PRELID2: variants seen among roughly 807,000 people sequenced by gnomAD.
The protein encoded by PRELID2 is PRELI domain containing 2, also known as PRELI domain-containing protein 2.
Under a neutral mutation model 28.4 loss-of-function variants are expected in PRELID2, and 25 were observed. That is an observed-to-expected ratio of 0.88 (90% confidence interval 0.64 to 1.23). The LOEUF is 1.23. Ranked by LOEUF, PRELID2 falls within the 50% of genes most tolerant of loss-of-function variation. The pLI is 0.00. For synonymous variants in PRELID2, 76 were observed against 71.6 expected (o/e 1.06, Z -0.31); for missense variants, 201 against 214.4 (o/e 0.94, Z 0.39).
intron 1 of PRELID2, among the ~76,000 whole-genome samples, chr5:145,739,360 C>T (rs1052876438): frequency 2.0e-5 from 3 of 151,996 alleles, no homozygotes; most frequent in African/African-American, 7.2e-5. Context: ...AAAAGAATAG[C>T]TGGGCATGGT....
At chr5:145,630,122 T>TTAGATGCATGGATGGATGGATGGATGGA in intron 1 of PRELID2, among the ~76,000 whole-genome samples, 1 of 147,170 alleles carries the variant, frequency 6.8e-6, no homozygotes, top group East Asian at 2.0e-4. Context: ...AAAAAAATGT[T>TTAGATGCATGGATGGATGGATGGATGGA]TGGATGCATG....
the PRELID2 span, among the ~76,000 whole-genome samples, chr5:145,303,823 A>G: frequency 6.6e-6 from 1 of 152,140 alleles, no homozygotes; most frequent in African/African-American, 2.4e-5. Flanking sequence ...TAAAACCCCA[A>G]GGATATATTC....
chr5:145,783,620 A>G (rs932227371), intron 5 of PRELID2, among the ~76,000 whole-genome samples: 10 of 152,212 alleles, frequency 6.6e-5, no homozygotes, highest in African/African-American at 2.4e-4. Flanking sequence ...TATTATCAAC[A>G]GAGGTAAATT....
chr5:145,544,488 A>G (rs1752769793), intron 1 of PRELID2, among the ~76,000 whole-genome samples: 1 of 152,114 alleles, frequency 6.6e-6, no homozygotes, highest in African/African-American at 2.4e-5. Context: ...TTGACATTCT[A>G]TTATAGATCA....
At chr5:145,285,452 G>A in the PRELID2 span, among the ~76,000 whole-genome samples, 1 of 152,084 alleles carries the variant, frequency 6.6e-6, no homozygotes, top group African/African-American at 2.4e-5. Flanking sequence ...CTTGACTTTT[G>A]CATTATCTGG....
Position 145,817,915 on chromosome 5 carries a change from T to A in PRELID2, c.347A>T (p.Glu116Val). ...TTACCAATTTGGGTTTTCCATACTT[T>A]CCCGGAAGACAGACTCTTCCTTCAT... ...ASMKEESVFR[E>V]SMENPNWTEF... The change falls in exon 4 of 7, where the codon GAA becomes GTA. Residue 116 changes from glutamate to valine, a missense_variant. Glu to Val is a moderately radical substitution (Grantham distance 121). Coordinates refer to ENST00000683046, the MANE Select transcript of PRELID2 (RefSeq NM_205846.3). 6.4e-7 allele frequency: 1 copy of A among 1,554,782 alleles called. No individual in the cohort carries two copies. Among genetic ancestry groups the A allele is most frequent in the Non-Finnish European group, 8.7e-7 (1 of 1,153,434 alleles).
chr5:145,395,807 C>A, the PRELID2 span, among the ~76,000 whole-genome samples: 24 of 152,228 alleles, frequency 1.6e-4, no homozygotes, highest in African/African-American at 5.3e-4. Flanking sequence ...GTCATGGAGC[C>A]TGGACCCCAG....
chr5:145,788,880 G>A (rs747189844), intron 5 of PRELID2, among the ~76,000 whole-genome samples: 4 of 151,912 alleles, frequency 2.6e-5, no homozygotes, highest in East Asian at 3.8e-4. Flanking sequence ...CAGACTATCC[G>A]AAAAAATTAA....
At chr5:145,740,854 GTACATATATTTATCGATAAATA>G (rs1756679196) in intron 1 of PRELID2, among the ~76,000 whole-genome samples, 1 of 26,314 alleles carries the variant, frequency 3.8e-5, no homozygotes, top group African/African-American at 1.1e-4. Flanking sequence ...AAATATATAT[GTACATATATTTATCGATAAATA>G]TATATGTACA....
At chr5:145,402,836 C>G in the PRELID2 span, among the ~76,000 whole-genome samples, 1 of 152,076 alleles carries the variant, frequency 6.6e-6, no homozygotes, top group African/African-American at 2.4e-5. Flanking sequence ...TATGTTTTAT[C>G]CTGGTTTATT....
the PRELID2 span, among the ~76,000 whole-genome samples, chr5:145,357,233 A>G: frequency 6.6e-6 from 1 of 152,054 alleles, no homozygotes; most frequent in Non-Finnish European, 1.5e-5. Context: ...GGTTTCTTAT[A>G]TAGTATCTCA....
the PRELID2 span, among the ~76,000 whole-genome samples, chr5:145,309,586 A>C: frequency 6.6e-6 from 1 of 152,190 alleles, no homozygotes; most frequent in African/African-American, 2.4e-5. Flanking sequence ...ATAATCAAAA[A>C]TTCCCTTTTA....
intron 6 of PRELID2, 33 bp from the exon 7 acceptor site, chr5:145,760,558 C>T (rs1050285998): frequency 4.6e-5 from 7 of 152,182 alleles, no homozygotes; most frequent in African/African-American, 1.7e-4. Context: ...TTTATCACCT[C>T]ATAAACATGT....
Position 145,721,821 on chromosome 5 carries a change from G to A in PRELID2, n.70+43110C>T, listed in dbSNP as rs1183073614. Among the ~76,000 whole-genome samples the A allele has an allele frequency of 3.3e-5, 5 of 152,142 alleles. No homozygotes were observed. The East Asian group carries it at 9.7e-4, about 29-fold the overall frequency. The stretch of plus-strand genomic sequence containing the variant: ...GGTTTGCAATCCTGACATAAGACAA[G>A]GTAGAATGCCAACCAGAAAAACCTT... On this transcript the variant is annotated intron_variant and non_coding_transcript_variant, in intron 1 of 2. Coordinates refer to the PRELID2 transcript ENST00000510259.
intron 1 of PRELID2, among the ~76,000 whole-genome samples, chr5:145,629,265 C>A (rs1753899570): frequency 6.6e-6 from 1 of 152,224 alleles, no homozygotes; most frequent in Non-Finnish European, 1.5e-5. Context: ...AAAGGTCACA[C>A]TCTATGAGGA....
intron 1 of PRELID2, among the ~76,000 whole-genome samples, chr5:145,696,156 C>CTTTTTTTTTTTTTTTTTTTTTTT (rs10591669): frequency 5.0e-5 from 3 of 60,020 alleles, no homozygotes; most frequent in Non-Finnish European, 1.1e-4. Flanking sequence ...TAAATAATAG[C>CTTTTTTTTTTTTTTTTTTTTTTT]TTTTTTTTTT....
the PRELID2 span, among the ~76,000 whole-genome samples, chr5:145,451,715 C>CAA: frequency 6.6e-6 from 1 of 152,132 alleles, no homozygotes. Flanking sequence ...GGAGTAAGTT[C>CAA]AAATCATTCC....
At chr5:145,576,520 G>C (rs1033648470) in intron 1 of PRELID2, among the ~76,000 whole-genome samples, 2 of 151,970 alleles carry the variant, frequency 1.3e-5, no homozygotes, top group Admixed American at 1.3e-4. Context: ...CTCCTTACTT[G>C]ATGGATGAGA....
chr5:145,692,677 A>G (rs1755174747), intron 1 of PRELID2, among the ~76,000 whole-genome samples: 1 of 152,264 alleles, frequency 6.6e-6, no homozygotes, highest in African/African-American at 2.4e-5. Flanking sequence ...TTCCTGCAAG[A>G]GTGAACTTGA....
Sources: allele counts gnomAD v4.1 joint callset (sites outside exome capture counted in the v4.1 genomes callset), GRCh38; gene constraint gnomAD v4.1.1; transcripts MANE v1.5; gene names NCBI Gene and HGNC (gene_info 2026-07-23, HGNC 2026-07-21).